PTPRJ: variants seen among roughly 807,000 people sequenced by gnomAD.
PTPRJ encodes the protein receptor-type tyrosine-protein phosphatase eta.
PTPRJ carries 129 observed loss-of-function variants against 141.3 expected under a neutral mutation model. That is an observed-to-expected ratio of 0.91 (90% confidence interval 0.79 to 1.06). PTPRJ has a LOEUF of 1.06. PTPRJ is among the 50% of genes least tolerant of loss of function. PTPRJ has a pLI of 0.00. For missense variants in PTPRJ, 1,601 were observed against 1,679.7 expected (o/e 0.95, Z 0.82); for synonymous variants, 610 against 640.5 (o/e 0.95, Z 0.72).
rs897146907 is a variant in PTPRJ, at chr11:47,982,651, AT to A, written c.96+1653del. Among the ~76,000 whole-genome samples, 1,062 of 148,496 alleles carry A rather than the reference AT, an allele frequency of 7.2e-3. 6 individuals are homozygous for A. Among genetic ancestry groups the A allele is most frequent in the Non-Finnish European group, 0.012 (817 of 66,890 alleles). On this transcript the variant is annotated intron_variant, in intron 1 of 24. Transcript: ENST00000418331. ...TATTTTTAAATGTATAATATATGTAATTTTTTTTTTGCTTCAGCAAAAAAAT... is the reference window on the plus strand; with the variant it reads ...TATTTTTAAATGTATAATATATGTAATTTTTTTTTGCTTCAGCAAAAAAAT...
chr11:48,163,316 C>T (rs553713896), intron 22 of PTPRJ, 142 bp from the exon 23 acceptor site: 41 of 705,260 alleles, frequency 5.8e-5, no homozygotes, highest in Non-Finnish European at 9.2e-5. Flanking sequence ...AGCACTTTAT[C>T]AGCTGCTGTG....
intron 1 of PTPRJ, among the ~76,000 whole-genome samples, chr11:48,000,588 C>T (rs1854469671): frequency 6.6e-6 from 1 of 152,086 alleles, no homozygotes. Context: ...CCCTCCCCTC[C>T]ACCCTCCGAC....
chr11:48,077,542 T>C (rs556201462), intron 1 of PTPRJ, among the ~76,000 whole-genome samples: 1 of 152,208 alleles, frequency 6.6e-6, no homozygotes, highest in South Asian at 2.1e-4. Flanking sequence ...GCCTACTCTG[T>C]GTCTCAGCAC....
intron 1 of PTPRJ, among the ~76,000 whole-genome samples, chr11:47,981,935 G>C (rs571573226): frequency 6.6e-6 from 1 of 152,350 alleles, no homozygotes; most frequent in South Asian, 2.1e-4. Flanking sequence ...CAGGGGAAGC[G>C]GTCTAGGGCT....
At chr11:48,094,477 G>T (rs934773254) in intron 1 of PTPRJ, among the ~76,000 whole-genome samples, 8 of 152,112 alleles carry the variant, frequency 5.3e-5, no homozygotes, top group Non-Finnish European at 1.0e-4. Context: ...TGTCAAGCCT[G>T]TGGGGAATTT....
chr11:48,069,124 G>A (rs1855164838), intron 1 of PTPRJ, among the ~76,000 whole-genome samples: 1 of 151,168 alleles, frequency 6.6e-6, no homozygotes. Context: ...TTTTCAGATG[G>A]AGTCTCGCTC....
intron 1 of PTPRJ, among the ~76,000 whole-genome samples, chr11:48,093,098 C>T (rs984307262): frequency 4.6e-5 from 7 of 152,180 alleles, no homozygotes; most frequent in Non-Finnish European, 8.8e-5. Context: ...GTGTTACTCT[C>T]GTTTTTATAC....
intron 1 of PTPRJ, among the ~76,000 whole-genome samples, chr11:48,021,727 G>A (rs563292401): frequency 1.3e-5 from 2 of 152,296 alleles, no homozygotes; most frequent in African/African-American, 4.8e-5. Context: ...TGAGTCTAGC[G>A]CTTTGAGCCT....
intron 1 of PTPRJ, among the ~76,000 whole-genome samples, chr11:48,027,319 A>C (rs891533521): frequency 6.6e-6 from 1 of 151,810 alleles, no homozygotes; most frequent in East Asian, 1.9e-4. Flanking sequence ...GAATACCCTT[A>C]AAATATAGCC....
intron 1 of PTPRJ, among the ~76,000 whole-genome samples, chr11:48,056,050 G>A (rs765462719): frequency 5.3e-5 from 8 of 152,210 alleles, no homozygotes; most frequent in Middle Eastern, 3.2e-3. Context: ...GTTGTGGTGC[G>A]TGTAGGATGT....
chr11:48,150,041 A>G lies in PTPRJ; in HGVS notation c.3050+43A>G, dbSNP rs746920306. 17 of 1,536,674 alleles carry G rather than the reference A, an allele frequency of 1.1e-5. No homozygotes were observed. In the South Asian group the frequency reaches 1.7e-4, roughly 16 times the overall value. On this transcript the variant is annotated intron_variant, in intron 17 of 24. Transcript: ENST00000418331. ...TTTTTTTAATAACTTGTACTTTTCTATTGAATATGGACTTCACTGAATGTA... is the reference window on the plus strand; with the variant it reads ...TTTTTTTAATAACTTGTACTTTTCTGTTGAATATGGACTTCACTGAATGTA...
At chr11:48,053,646 G>A (rs1252924361) in intron 1 of PTPRJ, among the ~76,000 whole-genome samples, 6 of 144,338 alleles carry the variant, frequency 4.2e-5, no homozygotes, top group African/African-American at 1.5e-4. Flanking sequence ...GTGTGATCTT[G>A]GCTCATTGCA....
intron 1 of PTPRJ, among the ~76,000 whole-genome samples, chr11:48,042,609 C>T (rs889287873): frequency 2.0e-5 from 3 of 152,150 alleles, no homozygotes; most frequent in Non-Finnish European, 2.9e-5. Flanking sequence ...CTCCCCTCCA[C>T]TCTTCTAAAC....
At chr11:48,096,454 C>T (rs140439594) in intron 1 of PTPRJ, among the ~76,000 whole-genome samples, 2,026 of 152,264 alleles carry the variant, frequency 0.013, 26 homozygotes, top group African/African-American at 0.035. Context: ...GTTTACAGGG[C>T]ATCGGAGGGA....
chr11:48,113,890 C>T (rs55746858), intron 3 of PTPRJ, among the ~76,000 whole-genome samples: 13 of 152,062 alleles, frequency 8.5e-5, no homozygotes, highest in Non-Finnish European at 1.3e-4. Flanking sequence ...AACAAAAATT[C>T]TCCGGGAGCC....
At chr11:48,089,135 A>G (rs1453752778) in intron 1 of PTPRJ, among the ~76,000 whole-genome samples, 1 of 152,212 alleles carries the variant, frequency 6.6e-6, no homozygotes, top group East Asian at 1.9e-4. Flanking sequence ...TTGTTGTTAA[A>G]TGACGTGAAA....
intron 1 of PTPRJ, among the ~76,000 whole-genome samples, chr11:48,027,788 C>G (rs1296353855): frequency 2.5e-5 from 2 of 81,584 alleles, no homozygotes; most frequent in East Asian, 7.0e-4. Flanking sequence ...GAGACTCTGT[C>G]TCCAAAAAAA....
chr11:47,984,114 T>C (rs139196239), intron 1 of PTPRJ, among the ~76,000 whole-genome samples: 1 of 152,374 alleles, frequency 6.6e-6, no homozygotes, highest in East Asian at 1.9e-4. Context: ...AATTGGTTTA[T>C]GGTTAGACCG....
At chr11:48,097,220 T>C (rs1856029758) in intron 1 of PTPRJ, among the ~76,000 whole-genome samples, 1 of 152,160 alleles carries the variant, frequency 6.6e-6, no homozygotes. Context: ...CATAGAAGGA[T>C]AAGCAGGAAT....
Sources: gnomAD v4.1 joint callset for allele counts (sites outside exome capture counted in the v4.1 genomes callset) on GRCh38, gnomAD v4.1.1 for gene constraint, MANE v1.5 for transcripts, NCBI Gene and HGNC (gene_info 2026-07-23, HGNC 2026-07-21) for gene names.